Variants in MGAT4C observed in about 807,000 individuals in gnomAD.
MGAT4C encodes the protein MGAT4 family member C.
A neutral mutation model predicts 40.1 loss-of-function variants in MGAT4C; 19 were observed. That is an observed-to-expected ratio of 0.47 (90% CI 0.33 to 0.70). The LOEUF is 0.70. Ranked by LOEUF, MGAT4C falls within the 30% of genes least tolerant of loss-of-function variation. MGAT4C has a pLI of 0.02. For synonymous variants in MGAT4C, 181 were observed against 187.1 expected, an observed-to-expected ratio of 0.97 and a Z score of 0.27; for missense variants, 491 against 563.2, an observed-to-expected ratio of 0.87 and a Z score of 1.30.
chr12:86,705,451 C>T (rs534213801), intron 2 of MGAT4C, among the ~76,000 whole-genome samples: 3 of 151,740 alleles, frequency 2.0e-5, no homozygotes, highest in Non-Finnish European at 2.9e-5. Context: ...GGTTTCACAA[C>T]AGAATTGAAA....
At chr12:86,774,623 T>C (rs1951721874) in intron 1 of MGAT4C, among the ~76,000 whole-genome samples, 1 of 152,126 alleles carries the variant, frequency 6.6e-6, no homozygotes, top group Non-Finnish European at 1.5e-5. Flanking sequence ...GTGCAGTTTG[T>C]ATATAAAATA....
chr12:86,525,481 G>T (rs1958865128), intron 2 of MGAT4C, among the ~76,000 whole-genome samples: 2 of 152,202 alleles, frequency 1.3e-5, no homozygotes, highest in South Asian at 4.1e-4. Flanking sequence ...TTGCTGGAGA[G>T]GTAGTGTGGT....
At chr12:86,284,759 T>C (rs1953308084) in intron 4 of MGAT4C, among the ~76,000 whole-genome samples, 1 of 151,998 alleles carries the variant, frequency 6.6e-6, no homozygotes, top group Non-Finnish European at 1.5e-5. Flanking sequence ...AGTCTGCTAA[T>C]TAGAGTTCCA....
intron 2 of MGAT4C, among the ~76,000 whole-genome samples, chr12:86,601,973 C>T (rs1961800324): frequency 6.6e-6 from 1 of 152,140 alleles, no homozygotes; most frequent in African/African-American, 2.4e-5. Flanking sequence ...GGGGTGCCAC[C>T]GCGTTCCCGT....
chr12:86,510,227 A>G (rs1958548686), intron 2 of MGAT4C, among the ~76,000 whole-genome samples: 2 of 152,060 alleles, frequency 1.3e-5, no homozygotes, highest in South Asian at 4.1e-4. Flanking sequence ...TTATTTTGAG[A>G]TCCGTCCCAT....
At chr12:86,603,392 T>C (rs1437586930) in intron 2 of MGAT4C, among the ~76,000 whole-genome samples, 1 of 128,116 alleles carries the variant, frequency 7.8e-6, no homozygotes, top group Non-Finnish European at 1.6e-5. Flanking sequence ...CTATACTATA[T>C]AATATATATT....
chr12:86,680,392 G>A (rs1246297160), intron 2 of MGAT4C, among the ~76,000 whole-genome samples: 1 of 151,792 alleles, frequency 6.6e-6, no homozygotes, highest in Non-Finnish European at 1.5e-5. Flanking sequence ...GAGGAGAATG[G>A]GGCTAAGAGA....
intron 1 of MGAT4C, among the ~76,000 whole-genome samples, chr12:86,165,484 A>G (rs946340843): frequency 6.6e-6 from 1 of 152,160 alleles, no homozygotes; most frequent in South Asian, 2.1e-4. Context: ...TGTTTCTTCC[A>G]AAGTATTTCC....
chr12:86,416,081 G>A (rs1361024612), intron 3 of MGAT4C, among the ~76,000 whole-genome samples: 1 of 151,970 alleles, frequency 6.6e-6, no homozygotes, highest in Admixed American at 6.6e-5. Flanking sequence ...GTACACATTT[G>A]TATATAATAG....
At chr12:86,200,415 T>G (rs921804775) in intron 1 of MGAT4C, among the ~76,000 whole-genome samples, 1 of 152,254 alleles carries the variant, frequency 6.6e-6, no homozygotes, top group East Asian at 1.9e-4. Flanking sequence ...TATGGTGCTT[T>G]GTAGGAAACT....
At chr12:86,277,077 T>C (rs1953096677) in intron 4 of MGAT4C, among the ~76,000 whole-genome samples, 1 of 152,206 alleles carries the variant, frequency 6.6e-6, no homozygotes, top group Non-Finnish European at 1.5e-5. Context: ...CCTTTCTCTA[T>C]ATCCTCTTTA....
chr12:86,484,205 G>A (rs1957981240), intron 2 of MGAT4C, among the ~76,000 whole-genome samples: 1 of 152,106 alleles, frequency 6.6e-6, no homozygotes, highest in African/African-American at 2.4e-5. Flanking sequence ...CAGAGCCGAG[G>A]AGCTTCTGTG....
chr12:86,316,778 G>A (rs1954245706), intron 4 of MGAT4C, among the ~76,000 whole-genome samples: 2 of 152,220 alleles, frequency 1.3e-5, no homozygotes, highest in Admixed American at 6.5e-5. Context: ...CACTAGCTGG[G>A]TGATGGAATC....
intron 4 of MGAT4C, among the ~76,000 whole-genome samples, chr12:86,319,067 A>G (rs1196541369): frequency 6.6e-6 from 1 of 152,184 alleles, no homozygotes; most frequent in East Asian, 1.9e-4. Context: ...TACAAGACTC[A>G]GGGAAAATGT....
intron 2 of MGAT4C, among the ~76,000 whole-genome samples, chr12:86,491,739 A>T (rs1352731837): frequency 1.3e-5 from 2 of 150,424 alleles, no homozygotes; most frequent in African/African-American, 4.9e-5. Context: ...CTGGCACAAG[A>T]CAGGGATGCC....
chr12:86,837,495 C>T (rs1953060545), intron 1 of MGAT4C, among the ~76,000 whole-genome samples: 1 of 152,032 alleles, frequency 6.6e-6, no homozygotes, highest in East Asian at 1.9e-4. Context: ...CTCTCTTGAG[C>T]CTGTATTAAC....
chr12:86,519,943 T>C (rs1958763478), intron 2 of MGAT4C, among the ~76,000 whole-genome samples: 1 of 152,194 alleles, frequency 6.6e-6, no homozygotes, highest in Admixed American at 6.5e-5. Context: ...TGCCTGTGTT[T>C]TTGAGGTCTT....
At chr12:86,743,913 G>A (rs1405542057) in intron 1 of MGAT4C, among the ~76,000 whole-genome samples, 4 of 151,532 alleles carry the variant, frequency 2.6e-5, no homozygotes, top group African/African-American at 9.7e-5. Context: ...GGTATCAGCA[G>A]GAAAAAGTGG....
intron 2 of MGAT4C, among the ~76,000 whole-genome samples, chr12:86,449,305 T>C (rs773476196): frequency 7.9e-5 from 12 of 152,150 alleles, no homozygotes; most frequent in Non-Finnish European, 1.6e-4. Flanking sequence ...GACATTATAG[T>C]GTTTAAAGAA....
Sources: gnomAD v4.1 joint callset for allele counts (sites outside exome capture counted in the v4.1 genomes callset) on GRCh38, gnomAD v4.1.1 for gene constraint, MANE v1.5 for transcripts, NCBI Gene and HGNC (gene_info 2026-07-23, HGNC 2026-07-21) for gene names.